The following SYNE1 variants were observed in gnomAD, a reference collection of about 807,000 sequenced individuals.
The protein encoded by SYNE1 is spectrin repeat containing nuclear envelope protein 1, also known as nesprin-1.
In SYNE1, 616 loss-of-function variants were observed where a neutral mutation model predicts 1,111.0. That is an observed-to-expected ratio of 0.55 (90% confidence interval 0.52 to 0.59). The LOEUF is 0.59. Among genes scored for constraint, SYNE1 ranks in the 20% least tolerant of loss-of-function variants. The pLI is 0.00. For missense variants in SYNE1, 10,006 were observed against 10,417.0 expected (o/e 0.96, Z 1.72); for synonymous variants, 3,855 against 3,825.8 (o/e 1.01, Z -0.28).
At chr6:152,299,654 G>T (rs2095065693) in intron 93 of SYNE1, among the ~76,000 whole-genome samples, 1 of 150,964 alleles carries the variant, frequency 6.6e-6, no homozygotes, top group Non-Finnish European at 1.5e-5. Context: ...CAGTGTAAGT[G>T]TATTAACTAA....
intron 44 of SYNE1, 60 bp from the exon 45 acceptor site, chr6:152,407,256 A>G (rs1407781155): frequency 3.3e-5 from 50 of 1,511,218 alleles, no homozygotes; most frequent in Non-Finnish European, 4.3e-5. Flanking sequence ...ATCATCCCCC[A>G]ACCAAAGTAC....
chr6:152,493,019 A>G (rs987132068), intron 11 of SYNE1, among the ~76,000 whole-genome samples: 2 of 152,126 alleles, frequency 1.3e-5, no homozygotes, highest in Admixed American at 1.3e-4. Context: ...TTCCTGGGCT[A>G]CAGCCACATC....
chr6:152,454,241 C>T lies in SYNE1; in HGVS notation c.2893-521G>A, dbSNP rs566026920. ...GCACACAGAAGCACACATGTGCACA[C>T]ATAGGCACACATGCTAGCACCAAAT... On this transcript the variant is annotated intron_variant, in intron 24 of 145. Coordinates refer to ENST00000367255, the MANE Select transcript of SYNE1 (RefSeq NM_182961.4). 6.6e-5 allele frequency among the ~76,000 whole-genome samples: 10 copies of T among 152,296 alleles called. No individual in the cohort carries two copies. The South Asian group carries it at 2.1e-3, about 32-fold the overall frequency.
chr6:152,140,857 C>T (rs1191142762), intron 139 of SYNE1, among the ~76,000 whole-genome samples: 4 of 151,702 alleles, frequency 2.6e-5, no homozygotes, highest in Non-Finnish European at 4.4e-5. Context: ...CACGGTGAAA[C>T]CCCACCTCTA....
At chr6:152,302,110 G>A in intron 91 of SYNE1, 47 bp from the exon 92 acceptor site, 1 of 1,612,206 alleles carries the variant, frequency 6.2e-7, no homozygotes, top group South Asian at 1.1e-5. Context: ...GCATCAAAAG[G>A]AAACAGAAGT....
At chr6:152,469,315 C>T (rs6904183) in intron 16 of SYNE1, among the ~76,000 whole-genome samples, 78,678 of 151,586 alleles carry the variant, frequency 0.52, 22,146 homozygotes, top group East Asian at 0.76. Context: ...CCTACCATTT[C>T]ATTATTATTA....
intron 98 of SYNE1, among the ~76,000 whole-genome samples, chr6:152,274,541 T>C (rs977544057): frequency 6.6e-6 from 1 of 152,046 alleles, no homozygotes; most frequent in Non-Finnish European, 1.5e-5. Context: ...AGGGGGGTCA[T>C]ACAGAACTTT....
chr6:152,566,514 A>G (rs933634807), intron 3 of SYNE1, among the ~76,000 whole-genome samples: 2 of 152,126 alleles, frequency 1.3e-5, no homozygotes, highest in African/African-American at 4.8e-5. Context: ...TTCAGAGGCA[A>G]TTTGAGTCCA....
chr6:152,514,658 C>CA (rs529408436), intron 6 of SYNE1, among the ~76,000 whole-genome samples: 1,390 of 137,428 alleles, frequency 0.01, 19 homozygotes, highest in African/African-American at 0.029. Context: ...CAATGAATAC[C>CA]AAAAAAAAAA....
At chr6:152,275,302 T>C (rs1378097272) in intron 98 of SYNE1, among the ~76,000 whole-genome samples, 1 of 152,156 alleles carries the variant, frequency 6.6e-6, no homozygotes, top group Non-Finnish European at 1.5e-5. Flanking sequence ...AAATCATACA[T>C]TGAGTACCTT....
At chr6:152,606,748 C>G (rs182700277) in intron 3 of SYNE1, among the ~76,000 whole-genome samples, 1 of 151,750 alleles carries the variant, frequency 6.6e-6, no homozygotes, top group Non-Finnish European at 1.5e-5. Flanking sequence ...CCCGGGTTCA[C>G]GCCATTCTCC....
chr6:152,418,621 A>G (rs1475163593), intron 40 of SYNE1, among the ~76,000 whole-genome samples: 1 of 152,340 alleles, frequency 6.6e-6, no homozygotes, highest in South Asian at 2.1e-4. Context: ...ACCCTAAAAT[A>G]TGTCACTTTG....
intron 91 of SYNE1, among the ~76,000 whole-genome samples, chr6:152,305,328 C>A (rs4326243): frequency 0.16 from 25,029 of 152,070 alleles, 2,704 homozygotes; most frequent in Admixed American, 0.3. Context: ...TGCAGTGACA[C>A]AATCTTGGCT....
intron 105 of SYNE1, among the ~76,000 whole-genome samples, chr6:152,247,855 A>AACACACACACAC (rs10592346): frequency 7.8e-5 from 7 of 89,898 alleles, no homozygotes; most frequent in African/African-American, 3.1e-4. Context: ...GGTGTTCTTT[A>AACACACACACAC]ACACACACAC....
intron 117 of SYNE1, 89 bp downstream of exon 117, chr6:152,224,405 A>G: frequency 8.9e-7 from 1 of 1,117,480 alleles, no homozygotes. Flanking sequence ...AACATATGGC[A>G]ATATTTCAGG....
chr6:152,448,206 G>A (rs185827262), intron 28 of SYNE1, among the ~76,000 whole-genome samples: 6 of 152,288 alleles, frequency 3.9e-5, no homozygotes, highest in East Asian at 3.9e-4. Context: ...TTTAGGAAGC[G>A]AGGCTTTATT....
chr6:152,225,303 GCACACA>G (rs71268493), intron 116 of SYNE1, among the ~76,000 whole-genome samples: 2 of 109,704 alleles, frequency 1.8e-5, no homozygotes, highest in Admixed American at 1.1e-4. Flanking sequence ...ACACACACAC[GCACACA>G]CACACACACA....
chr6:152,629,547 G>GGGGGGGGGGGC (rs2099694063), intron 2 of SYNE1, among the ~76,000 whole-genome samples: 1 of 105,510 alleles, frequency 9.5e-6, no homozygotes, highest in African/African-American at 3.5e-5. Context: ...GAGGGGGAGG[G>GGGGGGGGGGGC]GAGGAGGGGG....
intron 127 of SYNE1, among the ~76,000 whole-genome samples, chr6:152,190,646 C>G (rs2071993521): frequency 6.6e-6 from 1 of 152,024 alleles, no homozygotes; most frequent in African/African-American, 2.4e-5. Flanking sequence ...CTACATTTGC[C>G]TTGTTGTTCT....
Sources: gnomAD v4.1 joint callset for allele counts (sites outside exome capture counted in the v4.1 genomes callset) on GRCh38, gnomAD v4.1.1 for gene constraint, MANE v1.5 for transcripts, NCBI Gene and HGNC (gene_info 2026-07-23, HGNC 2026-07-21) for gene names.